The following MTX2 variants were observed in gnomAD, a reference collection of about 807,000 sequenced individuals.
MTX2 encodes the protein metaxin-2.
MTX2 carries 35 observed loss-of-function variants against 42.3 expected under a neutral mutation model. The observed-to-expected ratio is 0.83, with a 90% confidence interval of 0.63 to 1.10. The LOEUF (loss-of-function observed/expected upper bound fraction) is 1.10, where lower values mean the gene tolerates loss of function less well. MTX2 is among the 50% of genes least tolerant of loss of function. The probability of loss-of-function intolerance (pLI) is 0.00; values close to 1 mark genes in which losing one functional copy is unlikely to be tolerated. For missense variants in MTX2, 307 were observed against 304.1 expected, an observed-to-expected ratio of 1.01 and a Z score of -0.07; for synonymous variants, 119 against 100.9, an observed-to-expected ratio of 1.18 and a Z score of -1.08.
intron 6 of MTX2, 50 bp downstream of exon 6, chr2:176,328,435 C>G: frequency 8.5e-7 from 1 of 1,171,610 alleles, no homozygotes; most frequent in Non-Finnish European, 1.2e-6. Context: ...CTCTCATTCT[C>G]ATAAAATATA....
intron 9 of MTX2, among the ~76,000 whole-genome samples, chr2:176,333,095 A>C (rs529700168): frequency 6.6e-6 from 1 of 151,672 alleles, no homozygotes; most frequent in Admixed American, 6.6e-5. Flanking sequence ...GTAAGAAGGC[A>C]TCAAATTTCT....
intron 1 of MTX2, among the ~76,000 whole-genome samples, chr2:176,294,428 C>T (rs1051048198): frequency 2.0e-5 from 3 of 151,912 alleles, no homozygotes; most frequent in South Asian, 2.1e-4. Flanking sequence ...GGATTACAGG[C>T]GCCAGCCACC....
intron 3 of MTX2, among the ~76,000 whole-genome samples, chr2:176,311,430 C>G (rs1471409566): frequency 2.0e-5 from 3 of 152,234 alleles, no homozygotes; most frequent in Non-Finnish European, 2.9e-5. Flanking sequence ...CCACTGTTCT[C>G]TTCAGAGCTG....
chr2:176,277,162 A>C (rs1692969637), intron 1 of MTX2, among the ~76,000 whole-genome samples: 1 of 152,242 alleles, frequency 6.6e-6, no homozygotes. Flanking sequence ...TATTGGTAAT[A>C]AAGTGTTTTC....
intron 3 of MTX2, among the ~76,000 whole-genome samples, chr2:176,302,159 ATAT>A (rs1361226522): frequency 1.4e-5 from 2 of 147,852 alleles, no homozygotes; most frequent in Admixed American, 6.7e-5. Context: ...CTTAATCTAG[ATAT>A]TATAAAAATT....
chr2:176,329,603 G>A (rs1211213235), intron 8 of MTX2, among the ~76,000 whole-genome samples, 177 bp downstream of exon 8: 1 of 151,026 alleles, frequency 6.6e-6, no homozygotes, highest in Non-Finnish European at 1.5e-5. Context: ...TTGATGTAAA[G>A]CAAACAATGC....
intron 1 of MTX2, among the ~76,000 whole-genome samples, chr2:176,295,749 A>T (rs1002749273): frequency 6.6e-6 from 1 of 152,096 alleles, no homozygotes; most frequent in Non-Finnish European, 1.5e-5. Flanking sequence ...TATTCCAGGG[A>T]TTGCTTTAGA....
At chr2:176,278,528 A>C (rs1286109873) in intron 1 of MTX2, among the ~76,000 whole-genome samples, 1 of 152,184 alleles carries the variant, frequency 6.6e-6, no homozygotes, top group African/African-American at 2.4e-5. Flanking sequence ...TTTAGTTTTT[A>C]ACTTAAAAGA....
chr2:176,270,137 C>G, intron 1 of MTX2: 1 of 302,618 alleles, frequency 3.3e-6, no homozygotes, highest in Admixed American at 4.4e-5. Flanking sequence ...CCCAGCGACA[C>G]AGTAGTGCCA....
At chr2:176,322,042 G>T (rs1445885304) in intron 3 of MTX2, among the ~76,000 whole-genome samples, 9 of 152,194 alleles carry the variant, frequency 5.9e-5, no homozygotes, top group Admixed American at 5.9e-4. Context: ...ATTTACTTGA[G>T]GAGATCAGAC....
intron 3 of MTX2, among the ~76,000 whole-genome samples, chr2:176,310,403 C>G (rs1326292249): frequency 6.6e-6 from 1 of 152,138 alleles, no homozygotes; most frequent in Non-Finnish European, 1.5e-5. Flanking sequence ...TGAGGAGTAT[C>G]TTTGTGGTGT....
chr2:176,295,531 A>G (rs1683839940), intron 1 of MTX2, among the ~76,000 whole-genome samples: 1 of 152,188 alleles, frequency 6.6e-6, no homozygotes, highest in African/African-American at 2.4e-5. Flanking sequence ...GTATATGTGT[A>G]GTATTGTGTG....
chr2:176,293,458 G>A (rs1168857741), intron 1 of MTX2, among the ~76,000 whole-genome samples: 2 of 152,232 alleles, frequency 1.3e-5, no homozygotes, highest in East Asian at 3.9e-4. Context: ...GTTGGAGGTG[G>A]GTCCTGGTGG....
At chr2:176,305,516 G>T (rs529543705) in intron 3 of MTX2, among the ~76,000 whole-genome samples, 6 of 152,200 alleles carry the variant, frequency 3.9e-5, no homozygotes, top group African/African-American at 1.4e-4. Flanking sequence ...TATGAAAGTT[G>T]TAAACAAGAT....
intron 3 of MTX2, among the ~76,000 whole-genome samples, chr2:176,315,039 G>A (rs34052133): frequency 0.06 from 9,065 of 152,232 alleles, 302 homozygotes; most frequent in Non-Finnish European, 0.08. Context: ...TCAGTTGTGT[G>A]CATAAAAGAG....
At chr2:176,271,277 A>G (rs1692799256) in intron 1 of MTX2, among the ~76,000 whole-genome samples, 1 of 152,244 alleles carries the variant, frequency 6.6e-6, no homozygotes. Flanking sequence ...TAAATATAAA[A>G]CAACAAAATT....
chr2:176,323,494 A>G (rs1558942258), intron 4 of MTX2, 30 bp downstream of exon 4: 13 of 1,573,170 alleles, frequency 8.3e-6, no homozygotes, highest in Non-Finnish European at 1.0e-5. Flanking sequence ...TTCTCTGTTA[A>G]TATTATGGAG....
intron 6 of MTX2, 79 bp downstream of exon 6, chr2:176,328,464 A>T: frequency 1.1e-6 from 1 of 925,122 alleles, no homozygotes; most frequent in Middle Eastern, 3.5e-4. Context: ...TATGGGTTAA[A>T]GTTATTGAGA....
chr2:176,321,056 A>G (rs1408547569), intron 3 of MTX2, among the ~76,000 whole-genome samples: 3 of 151,670 alleles, frequency 2.0e-5, no homozygotes, highest in Non-Finnish European at 2.9e-5. Flanking sequence ...GCCTATCTCC[A>G]TTATTTTTTT....
Sources: gnomAD v4.1 joint callset for allele counts (sites outside exome capture counted in the v4.1 genomes callset) on GRCh38, gnomAD v4.1.1 for gene constraint, MANE v1.5 for transcripts, NCBI Gene and HGNC (gene_info 2026-07-23, HGNC 2026-07-21) for gene names.